PPP6R1: variants seen among roughly 807,000 people sequenced by gnomAD.
The protein encoded by PPP6R1 is serine/threonine-protein phosphatase 6 regulatory subunit 1.
PPP6R1 carries 39 observed loss-of-function variants against 104.6 expected under a neutral mutation model. The ratio of observed to expected loss-of-function variants is 0.37; its 90% confidence interval spans 0.29 to 0.49. The LOEUF (loss-of-function observed/expected upper bound fraction) is 0.49. PPP6R1 is among the 20% of genes least tolerant of loss of function. PPP6R1 has a pLI of 0.98. For missense variants in PPP6R1, 1,181 were observed against 1,155.8 expected (o/e 1.02, Z -0.32); for synonymous variants, 549 against 479.0 (o/e 1.15, Z -1.91).
rs765195767 is a variant in PPP6R1, at chr19:55,231,993, G to A, written c.2126-11C>T. 4 of 1,605,014 alleles carry A rather than the reference G, an allele frequency of 2.5e-6. No individual in the cohort carries two copies. The highest frequency in any genetic ancestry group is 1.1e-5 in the South Asian group (1 of 90,376). ...CTGTCCAGCTGGGGCCTGGGATAGA[G>A]GTGGGGGAGCGGGATGGAGGGTGAA... On this transcript the variant is annotated splice_polypyrimidine_tract_variant and intron_variant, in intron 18 of 23. Transcript: ENST00000412770.
chr19:55,228,731 C>A, downstream of PPP6R1: 1 of 1,613,248 alleles, frequency 6.2e-7, no homozygotes, highest in Non-Finnish European at 8.5e-7. Flanking sequence ...CCCCGCTTTG[C>A]CAGCGTCCAT....
intron 1 of PPP6R1, among the ~76,000 whole-genome samples, chr19:55,255,504 G>T (rs1034746485): frequency 1.3e-5 from 2 of 152,038 alleles, no homozygotes; most frequent in East Asian, 3.9e-4. Context: ...CCTCACAGAT[G>T]GGGTTACTAT....
chr19:55,235,226 T>C (rs1329894694), intron 17 of PPP6R1, among the ~76,000 whole-genome samples: 2 of 149,500 alleles, frequency 1.3e-5, no homozygotes, highest in Admixed American at 1.3e-4. Flanking sequence ...AAAAAAACAA[T>C]GTAACATTTG....
rs1358704659 is a variant in PPP6R1 at position 55,231,470 on chromosome 19, C to T, written c.2399G>A (p.Ser800Asn). The stretch of plus-strand genomic sequence containing the variant: ...GAAGGTGGCCTGAAGGTCCCCGATG[C>T]TAACCAAGGCCTGGCAAGGGGCTGT... ...EPSAPCQALV[S>N]IGDLQATFHG... is the part of the protein sequence containing the mutation. Residue 800 changes from serine (S) to asparagine (N), a missense_variant, in exon 21 of 24, where the codon AGC becomes AAC. By Grantham distance (46) the Ser-to-Asn change is conservative. Coordinates refer to ENST00000412770, the MANE Select transcript of PPP6R1 (RefSeq NM_014931.4). The T allele has an allele frequency of 6.2e-7, 1 of 1,608,546 alleles. No homozygotes were observed. The highest frequency in any genetic ancestry group is 8.5e-7 in the Non-Finnish European group (1 of 1,177,872).
chr19:55,235,861 G>A (rs894765774), intron 17 of PPP6R1, among the ~76,000 whole-genome samples: 2 of 42,616 alleles, frequency 4.7e-5, no homozygotes, highest in Non-Finnish European at 9.5e-5. Flanking sequence ...TTTTTTTTTT[G>A]AGACCAGGTC....
downstream of PPP6R1, chr19:55,228,634 G>A: frequency 2.5e-6 from 4 of 1,581,038 alleles, no homozygotes; most frequent in Non-Finnish European, 3.4e-6. Context: ...CCCGCCGGCT[G>A]CTGGGGTTCC....
intron 15 of PPP6R1, among the ~76,000 whole-genome samples, chr19:55,238,543 G>A (rs2087419836): frequency 6.6e-6 from 1 of 152,188 alleles, no homozygotes; most frequent in Non-Finnish European, 1.5e-5. Flanking sequence ...TGCCCAGGCT[G>A]GAGTGCAGTG....
chr19:55,246,981 G>A lies in PPP6R1; in HGVS notation c.123C>T (p.Asn41=). The A allele has an allele frequency of 6.2e-7, 1 of 1,613,928 alleles. No individual in the cohort carries two copies. Among genetic ancestry groups the A allele is most frequent in the Non-Finnish European group, 8.5e-7 (1 of 1,179,886 alleles). ...GCAGCAGGAAGTCCAGCAGCTTGCGGTTGACGACCTTGCACTCCTGCAGCA... is the reference window on the plus strand; with the variant it reads ...GCAGCAGGAAGTCCAGCAGCTTGCGATTGACGACCTTGCACTCCTGCAGCA... ...EDVLQECKVV[N]RKLLDFLLQP... The change falls in exon 2 of 24, where the codon AAC becomes AAT. Residue 41 remains asparagine, a synonymous_variant. Coordinates refer to ENST00000412770, the MANE Select transcript of PPP6R1 (RefSeq NM_014931.4).
intron 15 of PPP6R1, 143 bp downstream of exon 15, chr19:55,239,262 C>T (rs113817914): frequency 0.014 from 11,133 of 772,776 alleles, 303 homozygotes; most frequent in African/African-American, 0.088. Context: ...CACAAGGCCA[C>T]GGCCAACGCG....
At position 55,230,388 on chromosome 19, in the gene PPP6R1, C is replaced by T. The variant is rs1434027543; in HGVS notation, c.*140G>A. On this transcript the variant is annotated 3_prime_UTR_variant, in exon 24 of 24. Transcript: ENST00000412770. ...TTGGGCCTGTCTCCCTGGCACCAGCCTCCTGGGGGTCCAGAGGAGAGAATG... is the reference window on the plus strand; with the variant it reads ...TTGGGCCTGTCTCCCTGGCACCAGCTTCCTGGGGGTCCAGAGGAGAGAATG... The T allele has an allele frequency of 7.5e-7, 1 of 1,327,890 alleles. No homozygotes were observed. Among genetic ancestry groups the T allele is most frequent in the African/African-American group, 1.4e-5 (1 of 69,024 alleles). The allele number at this position is 1,327,890 out of a possible 1,614,324, so 82.3% of individuals were successfully genotyped here.
At chr19:55,228,309 C>G (rs766730927), downstream of PPP6R1, 2 of 1,613,774 alleles carry the variant, frequency 1.2e-6, no homozygotes, top group Non-Finnish European at 1.7e-6. Context: ...GGAACCCAGC[C>G]AGGCAGAGGA....
At chr19:55,237,177 A>T (rs189547496) in intron 15 of PPP6R1, among the ~76,000 whole-genome samples, 79 of 152,300 alleles carry the variant, frequency 5.2e-4, no homozygotes, top group African/African-American at 1.8e-3. Context: ...ATCACTTTAA[A>T]TCCTTAAAAC....
chr19:55,244,446 C>T (rs1293497737), intron 5 of PPP6R1, among the ~76,000 whole-genome samples: 1 of 152,150 alleles, frequency 6.6e-6, no homozygotes, highest in Non-Finnish European at 1.5e-5. Flanking sequence ...GCTGGACGGA[C>T]ACTTAGAAGG....
intron 17 of PPP6R1, 168 bp downstream of exon 17, chr19:55,236,474 AT>A: frequency 1.3e-6 from 1 of 751,342 alleles, no homozygotes; most frequent in East Asian, 2.9e-5. Flanking sequence ...TTGGCCTTGA[AT>A]TAGATTTCTA....
At chr19:55,243,665 C>CAAAAAAAAA (rs756399928) in intron 5 of PPP6R1, among the ~76,000 whole-genome samples, 4 of 151,094 alleles carry the variant, frequency 2.6e-5, no homozygotes, top group African/African-American at 7.4e-5. Context: ...GACACTGTCT[C>CAAAAAAAAA]AAAAAAAAGA....
intron 1 of PPP6R1, among the ~76,000 whole-genome samples, chr19:55,254,678 TCAG>T (rs2087579174): frequency 6.6e-6 from 1 of 152,042 alleles, no homozygotes. Flanking sequence ...GTCCCAATGC[TCAG>T]CAGAAGCTCC....
At chr19:55,234,710 C>T (rs542187813) in intron 17 of PPP6R1, among the ~76,000 whole-genome samples, 1 of 152,294 alleles carries the variant, frequency 6.6e-6, no homozygotes, top group South Asian at 2.1e-4. Flanking sequence ...CTGTCAACTG[C>T]AGAACAAGCA....
Position 55,245,018 on chromosome 19 carries a change from G to C in PPP6R1, c.618+102C>G, listed in dbSNP as rs1464513473. On this transcript the variant is annotated intron_variant, in intron 5 of 23. Coordinates refer to ENST00000412770, the MANE Select transcript of PPP6R1 (RefSeq NM_014931.4). This position sits in a 1 kb window ranked among gnomAD's most constrained non-coding sequence, Gnocchi z 6.4. ...CTCCCAAAGTGCTGGAATTACAGGC[G>C]TGAGCCACTGCGTCCAGCCCCAATT... is the stretch of plus-strand genomic sequence containing the variant. 2.4e-5 allele frequency: 36 copies of C among 1,500,936 alleles called. No individual in the cohort carries two copies. The Middle Eastern group carries it at 6.0e-4, about 25-fold the overall frequency. The allele number at this position is 1,500,936 out of a possible 1,614,324, so 93.0% of individuals were successfully genotyped here. A position where few individuals can be genotyped will look rare whatever the true frequency, so the allele number is the denominator to read the frequency against.
intron 5 of PPP6R1, chr19:55,242,704 G>A (rs1247090593): frequency 7.3e-6 from 4 of 550,994 alleles, no homozygotes; most frequent in African/African-American, 1.9e-5. Context: ...CAGGACAGGA[G>A]GCATCCACAC....
Sources: allele counts gnomAD v4.1 joint callset (sites outside exome capture counted in the v4.1 genomes callset), GRCh38; gene constraint gnomAD v4.1.1; non-coding constraint Gnocchi (gnomAD v3.1); transcripts MANE v1.5; gene names NCBI Gene and HGNC (gene_info 2026-07-23, HGNC 2026-07-21).